The following MYO5A variants were observed in gnomAD, a reference collection of about 807,000 sequenced individuals.
MYO5A encodes unconventional myosin-Va.
Under a neutral mutation model 249.7 loss-of-function variants are expected in MYO5A, and 98 were observed. The ratio of observed to expected loss-of-function variants is 0.39; its 90% CI spans 0.33 to 0.46. The LOEUF (loss-of-function observed/expected upper bound fraction) is 0.46. MYO5A is among the 20% of genes least tolerant of loss of function. MYO5A has a pLI of 0.98. For missense variants in MYO5A, 1,696 were observed against 2,308.8 expected (o/e 0.73, Z 5.44); for synonymous variants, 778 against 810.6 (o/e 0.96, Z 0.68).
In MYO5A at chr15:52,372,223, C is replaced by T. The variant is rs759696702; in HGVS notation, c.2718G>A (p.Lys906=). ...FRRMMAKREL[K]KLKIEARSVE... ...CTGAGCGAGCCTCGATTTTGAGCTT[C>T]TTTAGCTCACGCTTGGCCATCATCC... Residue 906 remains lysine, a synonymous_variant, in exon 21 of 42, where the codon AAG becomes AAA. Transcript: ENST00000399233. The T allele has an allele frequency of 2.5e-6, 4 of 1,613,464 alleles. No homozygotes were observed. The South Asian group carries it at 3.3e-5, about 13-fold the overall frequency.
chr15:52,376,581 A>T (rs1264800720), intron 18 of MYO5A, 23 bp from the exon 19 acceptor site: 2 of 1,589,622 alleles, frequency 1.3e-6, no homozygotes, highest in Non-Finnish European at 1.7e-6. Context: ...GAAATTGTAT[A>T]TTCAGAAATA....
Position 52,522,684 on chromosome 15 carries a change from T to C in MYO5A, c.27+6096A>G, listed in dbSNP as rs150824701. Among the ~76,000 whole-genome samples, 678 of 152,098 alleles carry C rather than the reference T, an allele frequency of 4.5e-3. 5 individuals carry two copies. The highest frequency in any genetic ancestry group is 0.015 in the African/African-American group (625 of 41,488). On this transcript the variant is annotated intron_variant, in intron 1 of 41. Coordinates refer to ENST00000399233, the MANE Select transcript of MYO5A (RefSeq NM_001382347.1). ...ATCATAAAATGAAAAACAGAGAAAC[T>C]AAATTACCTTCTGAGGTAAGAAGTA...
intron 1 of MYO5A, among the ~76,000 whole-genome samples, chr15:52,446,100 A>G (rs920886092): frequency 2.6e-4 from 39 of 152,258 alleles, no homozygotes; most frequent in African/African-American, 9.4e-4. Context: ...CTAACAGCCA[A>G]GTCAATGGGG....
chr15:52,382,978 A>AC (rs2041819890), intron 16 of MYO5A, 113 bp downstream of exon 16: 1 of 905,964 alleles, frequency 1.1e-6, no homozygotes, highest in Admixed American at 1.8e-5. Context: ...ATGAAGACTT[A>AC]CCCAAATATT....
Position 52,469,157 on chromosome 15 carries a change from T to A in MYO5A, c.28-35872A>T, listed in dbSNP as rs1208159589. On this transcript the variant is annotated intron_variant, in intron 1 of 41. Coordinates refer to ENST00000399233, the MANE Select transcript of MYO5A (RefSeq NM_001382347.1). ...TTAGTGTAAAGGTTAACTATAATAATATACAGTTGACCCTTGAACAACATG... is the reference window on the plus strand; with the variant it reads ...TTAGTGTAAAGGTTAACTATAATAAAATACAGTTGACCCTTGAACAACATG... 7.2e-5 allele frequency among the ~76,000 whole-genome samples: 11 copies of A among 152,286 alleles called. No homozygotes were observed. In the South Asian group the frequency reaches 2.3e-3, roughly 32 times the overall value.
chr15:52,340,083 A>G, intron 32 of MYO5A, 113 bp downstream of exon 32: 2 of 1,086,812 alleles, frequency 1.8e-6, no homozygotes, highest in South Asian at 1.3e-5. Flanking sequence ...AGGGGTAACA[A>G]GTACAGAGGG....
At chr15:52,442,411 G>C (rs2075801373) in intron 1 of MYO5A, among the ~76,000 whole-genome samples, 1 of 152,190 alleles carries the variant, frequency 6.6e-6, no homozygotes, top group Non-Finnish European at 1.5e-5. Context: ...TCTGGGTAGA[G>C]TCGAGAAGTG....
At chr15:52,368,743 A>C (rs767785829) in intron 22 of MYO5A, among the ~76,000 whole-genome samples, 5 of 152,338 alleles carry the variant, frequency 3.3e-5, no homozygotes, top group Non-Finnish European at 5.9e-5. Flanking sequence ...GTCTGAACTA[A>C]AGTTAGTGCC....
chr15:52,406,601 A>C (rs2141221965), intron 8 of MYO5A, among the ~76,000 whole-genome samples: 2 of 152,334 alleles, frequency 1.3e-5, no homozygotes, highest in Middle Eastern at 3.4e-3. Flanking sequence ...GGTACTACTC[A>C]AAATGCCATC....
At chr15:52,336,419 C>T in intron 34 of MYO5A, 44 bp downstream of exon 34, 3 of 1,334,156 alleles carry the variant, frequency 2.2e-6, no homozygotes, top group Non-Finnish European at 3.2e-6. Flanking sequence ...AGCCAAGACT[C>T]AAACCAAGAC....
rs919386621 is a variant in MYO5A at position 52,337,836 on chromosome 15, G to A, written c.4288C>T (p.Arg1430Trp). Residue 1430 changes from arginine (R) to tryptophan (W), a missense_variant, in exon 33 of 42, where the codon CGG (arginine) becomes TGG (tryptophan). Physicochemically the swap from Arg to Trp is moderately radical, Grantham distance 101. Transcript: ENST00000399233. ...ADDPKKYQSY[R>W]ISLYKRMIDL... Reference sequence around the variant, plus strand: ...ATCATCCGTTTGTAAAGGGAAATCCGATATGATTGATACTTCTTAGGGTCA... The same window carrying A: ...ATCATCCGTTTGTAAAGGGAAATCCAATATGATTGATACTTCTTAGGGTCA... The A allele has an allele frequency of 7.8e-6, 12 of 1,543,190 alleles. No homozygotes were observed. Among genetic ancestry groups the A allele is most frequent in the African/African-American group, 6.9e-5 (5 of 72,896 alleles).
At chr15:52,416,423 T>G in intron 4 of MYO5A, 122 bp from the exon 5 acceptor site, 4 of 951,024 alleles carry the variant, frequency 4.2e-6, no homozygotes, top group Non-Finnish European at 6.5e-6. Flanking sequence ...TCGATACTGG[T>G]GCTTATAACA....
intron 9 of MYO5A, 51 bp from the exon 10 acceptor site, chr15:52,397,517 A>G: frequency 6.3e-7 from 1 of 1,591,600 alleles, no homozygotes; most frequent in Non-Finnish European, 8.6e-7. Flanking sequence ...TCAAGTAAGA[A>G]TCTCTCGGAA....
intron 14 of MYO5A, among the ~76,000 whole-genome samples, chr15:52,386,590 G>T (rs932721292): frequency 6.6e-6 from 1 of 150,656 alleles, no homozygotes. Context: ...CGCTGTCTCC[G>T]AGGCTGGAGT....
At position 52,309,733 on chromosome 15, in the gene MYO5A, T is replaced by G. The variant is rs566806364; in HGVS notation, c.*3963A>C. On this transcript the variant is annotated 3_prime_UTR_variant, in exon 42 of 42. Coordinates refer to ENST00000399233, the MANE Select transcript of MYO5A (RefSeq NM_001382347.1). ...CCCAGGTACTGTTTCTGCATTACTT[T>G]CAACAGGATGCACTAGTTTTGGCTC... is the stretch of plus-strand genomic sequence containing the variant. The G allele has an allele frequency of 4.6e-5, 7 of 152,312 alleles. No individual in the cohort carries two copies. Among genetic ancestry groups the G allele is most frequent in the African/African-American group, 1.7e-4 (7 of 41,558 alleles). 9.4% of individuals were successfully genotyped at this position (152,312 alleles called of 1,614,324 possible). A position where few individuals can be genotyped will look rare whatever the true frequency, so the allele number is the denominator to read the frequency against.
intron 1 of MYO5A, among the ~76,000 whole-genome samples, chr15:52,476,747 T>C (rs1379043656): frequency 1.3e-5 from 2 of 152,242 alleles, no homozygotes; most frequent in African/African-American, 4.8e-5. Flanking sequence ...TTGTAGAGTT[T>C]CTGCCGAGAG....
Position 52,458,263 on chromosome 15 carries a change from A to G in MYO5A, c.28-24978T>C, listed in dbSNP as rs375231633. On this transcript the variant is annotated intron_variant, in intron 1 of 41. Transcript: ENST00000399233. ...AAACAGCTAGAAGAAGAAGATTCCA[A>G]ATGTTCCTAACACAAAGAAATGATA... 7.2e-5 allele frequency among the ~76,000 whole-genome samples: 11 copies of G among 152,326 alleles called. No individual in the cohort carries two copies. In the East Asian group the frequency reaches 1.9e-3, roughly 27 times the overall value.
chr15:52,375,855 T>C (rs1269612633), intron 19 of MYO5A, among the ~76,000 whole-genome samples: 1 of 152,240 alleles, frequency 6.6e-6, no homozygotes, highest in Admixed American at 6.5e-5. Flanking sequence ...CTTTCTTGGA[T>C]CTAGCCATTA....
Position 52,353,888 on chromosome 15 carries a change from G to A in MYO5A, c.3550C>T (p.Leu1184Phe). The A allele has an allele frequency of 6.2e-7, 1 of 1,614,110 alleles. No individual in the cohort carries two copies. Among genetic ancestry groups the A allele is most frequent in the Non-Finnish European group, 8.5e-7 (1 of 1,180,034 alleles). ...DELDRKEEQV[L>F]RSKAKEEERP... ...CTGCGCACCTTGGCCTTGCTGCGGA[G>A]CACCTGCTCCTCCTTGCGGTCCAGC... Residue 1184 changes from leucine to phenylalanine, a missense_variant, in exon 26 of 42, where the codon CTC (leucine) becomes TTC (phenylalanine). Physicochemically the swap from Leu to Phe is conservative, Grantham distance 22. This residue lies in a region of MYO5A where 625 missense variants were observed against 908.1 expected (regional missense o/e 0.69). Coordinates refer to ENST00000399233, the MANE Select transcript of MYO5A (RefSeq NM_001382347.1).
Sources: allele counts gnomAD v4.1 joint callset (sites outside exome capture counted in the v4.1 genomes callset), GRCh38; gene constraint gnomAD v4.1.1; regional missense constraint gnomAD v4.1.1; transcripts MANE v1.5; gene names NCBI Gene and HGNC (gene_info 2026-07-23, HGNC 2026-07-21).